Variants in NEIL3 observed in about 807,000 individuals in gnomAD.
NEIL3 encodes the protein endonuclease 8-like 3.
NEIL3 carries 48 observed loss-of-function variants against 57.5 expected under a neutral mutation model. That is an observed-to-expected ratio of 0.83 (90% CI 0.66 to 1.06). The LOEUF (loss-of-function observed/expected upper bound fraction) is 1.06. Among genes scored for constraint, NEIL3 ranks in the 50% least tolerant of loss-of-function variants. The pLI is 0.00. For synonymous variants in NEIL3, 261 were observed against 253.2 expected (o/e 1.03, Z -0.29); for missense variants, 717 against 739.1 (o/e 0.97, Z 0.35).
downstream of NEIL3, among the ~76,000 whole-genome samples, chr4:177,363,101 C>G: frequency 6.6e-6 from 1 of 152,054 alleles, no homozygotes; most frequent in Non-Finnish European, 1.5e-5. Context: ...TGCGTGTAGG[C>G]GTTTAAAAGA....
intron 8 of NEIL3, among the ~76,000 whole-genome samples, chr4:177,356,658 A>G (rs1735477938): frequency 6.6e-6 from 1 of 152,216 alleles, no homozygotes; most frequent in African/African-American, 2.4e-5. Context: ...ATTATATGAT[A>G]ATTACTTTGA....
Position 177,332,239 on chromosome 4 carries a change from G to T in NEIL3, c.279-3449G>T, listed in dbSNP as rs112645924. 8.7e-3 allele frequency among the ~76,000 whole-genome samples: 1,331 copies of T among 152,236 alleles called. 18 individuals carry two copies. The highest frequency in any genetic ancestry group is 0.03 in the African/African-American group (1,263 of 41,534). On this transcript the variant is annotated intron_variant, in intron 2 of 9. Coordinates refer to ENST00000264596, the MANE Select transcript of NEIL3 (RefSeq NM_018248.3). ...CAGAGAGCTTCCTACCTCTTTTCTG[G>T]TGGAAGCAGATTTCTCTTTGTATCA...
intron 1 of NEIL3, among the ~76,000 whole-genome samples, chr4:177,314,405 G>C (rs141878381): frequency 6.6e-6 from 1 of 152,108 alleles, no homozygotes; most frequent in Admixed American, 6.6e-5. Context: ...TTACTTCCTC[G>C]TCTGGAGATG....
At chr4:177,356,294 G>A (rs1735472265) in intron 8 of NEIL3, among the ~76,000 whole-genome samples, 1 of 151,998 alleles carries the variant, frequency 6.6e-6, no homozygotes, top group African/African-American at 2.4e-5. Flanking sequence ...TTCTTCATAA[G>A]CCATTAGTAA....
rs1172511771 is a variant in NEIL3, at chr4:177,339,796, C to T, written c.641C>T (p.Thr214Ile). The change falls in exon 5 of 10, where the codon ACA (threonine) becomes ATA (isoleucine). Residue 214 changes from threonine to isoleucine, a missense_variant. Transcript: ENST00000264596. ...LHPAVKVCQL[T>I]DEQIHHLMKM... is the part of the protein sequence containing the mutation. ...TTCCACTTCAAGGTTTGTCAATTAA[C>T]AGATGAACAGATCCATCACCTCATG... 1 of 1,613,002 alleles carries T rather than the reference C, an allele frequency of 6.2e-7. No individual in the cohort carries two copies. The highest frequency in any genetic ancestry group is 1.7e-5 in the Admixed American group (1 of 59,992).
At chr4:177,335,964 A>G in intron 3 of NEIL3, 142 bp downstream of exon 3, 1 of 1,034,468 alleles carries the variant, frequency 9.7e-7, no homozygotes, top group South Asian at 1.7e-5. Context: ...CAGATAATAT[A>G]ATTTGTAAGG....
intron 4 of NEIL3, among the ~76,000 whole-genome samples, chr4:177,338,807 CCT>C (rs1735028018): frequency 6.6e-6 from 1 of 152,056 alleles, no homozygotes; most frequent in Non-Finnish European, 1.5e-5. Flanking sequence ...GTCATCTACT[CCT>C]GTGCCTATTT....
chr4:177,332,177 G>A (rs546878549), intron 2 of NEIL3, among the ~76,000 whole-genome samples: 6 of 152,306 alleles, frequency 3.9e-5, no homozygotes, highest in South Asian at 2.1e-4. Context: ...TCCTATGGCA[G>A]CCAAACTCTG....
In NEIL3 at chr4:177,310,016, C is replaced by T. The variant is rs199790765; in HGVS notation, c.63C>T (p.Gly21=). 13 of 1,610,408 alleles carry T rather than the reference C, an allele frequency of 8.1e-6. No homozygotes were observed. The highest frequency in any genetic ancestry group is 1.0e-5 in the Non-Finnish European group (12 of 1,178,974). The change falls in exon 1 of 10, where the codon GGC becomes GGT. Residue 21 remains glycine, a synonymous_variant. Coordinates refer to ENST00000264596, the MANE Select transcript of NEIL3 (RefSeq NM_018248.3). ...GEKIRARVLP[G]QAVTGVRGSA... is the part of the protein sequence containing the mutation. ...AGATTCGCGCGCGGGTGCTCCCGGG[C>T]CAGGCGGTGACCGGCGTGCGGGGAA...
intron 6 of NEIL3, chr4:177,343,035 T>A (rs1735128314): frequency 6.6e-6 from 1 of 152,242 alleles, no homozygotes; most frequent in Non-Finnish European, 1.5e-5. Context: ...GGGCAAGCGA[T>A]GGTTACCAGC....
intron 8 of NEIL3, 141 bp downstream of exon 8, chr4:177,353,869 G>T: frequency 1.4e-6 from 1 of 695,212 alleles, no homozygotes. Context: ...GCGTTCAAGC[G>T]ATTCTCCTGC....
At position 177,339,779 on chromosome 4, in the gene NEIL3, C is replaced by A. The variant is rs1418633922; in HGVS notation, c.628-4C>A. The A allele has an allele frequency of 6.2e-7, 1 of 1,606,958 alleles. No individual in the cohort carries two copies. The highest frequency in any genetic ancestry group is 1.1e-5 in the South Asian group (1 of 90,740). ...CTAGGCTCTGCTGTTTTTTCCACTTCAAGGTTTGTCAATTAACAGATGAAC... is the reference window on the plus strand; with the variant it reads ...CTAGGCTCTGCTGTTTTTTCCACTTAAAGGTTTGTCAATTAACAGATGAAC... On this transcript the variant is annotated splice_polypyrimidine_tract_variant and splice_region_variant and intron_variant, in intron 4 of 9. Coordinates refer to ENST00000264596, the MANE Select transcript of NEIL3 (RefSeq NM_018248.3).
rs954316460 is a variant in NEIL3 at position 177,358,893 on chromosome 4, T to C, written c.1461-1610T>C. Among the ~76,000 whole-genome samples the C allele has an allele frequency of 3.9e-5, 6 of 152,360 alleles. No homozygotes were observed. The East Asian group carries it at 1.2e-3, about 29-fold the overall frequency. ...ACTGTTTTTGTGTCCACACAATTTT[T>C]AATAAGAATGCATCATTTCATTAAT... On this transcript the variant is annotated intron_variant, in intron 8 of 9. Transcript: ENST00000264596.
At chr4:177,352,755 G>A (rs1297199259) in intron 7 of NEIL3, among the ~76,000 whole-genome samples, 11 of 151,850 alleles carry the variant, frequency 7.2e-5, no homozygotes, top group African/African-American at 2.7e-4. Flanking sequence ...GCGTGAACCC[G>A]GGAGGCGGAG....
chr4:177,318,481 G>GT, intron 1 of NEIL3, among the ~76,000 whole-genome samples: 1 of 152,312 alleles, frequency 6.6e-6, no homozygotes, highest in East Asian at 1.9e-4. Context: ...TAATGGGGCA[G>GT]TTGTCTTCAT....
At chr4:177,323,506 T>C (rs35194211) in intron 2 of NEIL3, among the ~76,000 whole-genome samples, 106 of 152,336 alleles carry the variant, frequency 7.0e-4, no homozygotes, top group African/African-American at 2.4e-3. Flanking sequence ...TAATTGCTTT[T>C]CCTTTGAGGT....
At chr4:177,324,047 G>C in intron 2 of NEIL3, among the ~76,000 whole-genome samples, 1 of 152,196 alleles carries the variant, frequency 6.6e-6, no homozygotes, top group South Asian at 2.1e-4. Context: ...CAGATCTGCT[G>C]TTGGAATCTG....
Position 177,360,514 on chromosome 4 carries a change from T to C in NEIL3, c.1472T>C (p.Ile491Thr), listed in dbSNP as rs375105298. ...ACCTGTCATTACAGTGAACTTCAAA[T>C]TAATATGACAGATGGCCCTCGTACC... is the stretch of plus-strand genomic sequence containing the variant. ...NPGYSNSELQ[I>T]NMTDGPRTLN... Residue 491 changes from isoleucine (I) to threonine (T), a missense_variant, in exon 9 of 10, where the codon ATT (isoleucine) becomes ACT (threonine). Ile to Thr is a moderately conservative substitution (Grantham distance 89, BLOSUM62 -1). Coordinates refer to ENST00000264596, the MANE Select transcript of NEIL3 (RefSeq NM_018248.3). 96 of 1,613,428 alleles carry C rather than the reference T, an allele frequency of 6.0e-5. No individual in the cohort carries two copies. Among genetic ancestry groups the C allele is most frequent in the Middle Eastern group, 1.6e-4 (1 of 6,078 alleles).
downstream of NEIL3, among the ~76,000 whole-genome samples, chr4:177,364,674 A>G (rs1486604743): frequency 1.3e-5 from 2 of 152,194 alleles, no homozygotes; most frequent in Non-Finnish European, 2.9e-5. Flanking sequence ...TCACACCTGT[A>G]ATCCCAGCAC....
Sources: allele counts gnomAD v4.1 joint callset (sites outside exome capture counted in the v4.1 genomes callset), GRCh38; gene constraint gnomAD v4.1.1; transcripts MANE v1.5; gene names NCBI Gene and HGNC (gene_info 2026-07-23, HGNC 2026-07-21).